TLK1: variants seen among roughly 807,000 people sequenced by gnomAD.
The protein encoded by TLK1 is serine/threonine-protein kinase tousled-like 1.
In TLK1, 24 loss-of-function variants were observed where a neutral mutation model predicts 105.3. That is an observed-to-expected ratio of 0.23 (90% CI 0.17 to 0.32). The LOEUF is 0.32. Among genes scored for constraint, TLK1 ranks in the 10% least tolerant of loss-of-function variants. TLK1 has a pLI of 1.00. For missense variants in TLK1, 558 were observed against 910.5 expected (o/e 0.61, Z 4.98); for synonymous variants, 321 against 310.4 (o/e 1.03, Z -0.36).
chr2:171,177,396 G>C (rs1410126255), intron 1 of TLK1, among the ~76,000 whole-genome samples: 3 of 152,134 alleles, frequency 2.0e-5, no homozygotes, highest in African/African-American at 7.2e-5. Flanking sequence ...ACCTGCGTCA[G>C]CCTCCCAAAG....
At chr2:171,180,080 G>A (rs1403954901) in intron 1 of TLK1, among the ~76,000 whole-genome samples, 3 of 143,210 alleles carry the variant, frequency 2.1e-5, no homozygotes, top group African/African-American at 8.0e-5. Context: ...GGGTGATAGA[G>A]TGAGACTCTG....
intron 1 of TLK1, among the ~76,000 whole-genome samples, chr2:171,209,235 A>G (rs1164905275): frequency 6.6e-6 from 1 of 152,260 alleles, no homozygotes; most frequent in East Asian, 1.9e-4. Context: ...AGAATACACA[A>G]GAAACTAATA....
chr2:171,021,828 G>A (rs1008340870), intron 12 of TLK1, among the ~76,000 whole-genome samples: 23 of 151,994 alleles, frequency 1.5e-4, no homozygotes, highest in Admixed American at 8.5e-4. Flanking sequence ...GATCAGGCAC[G>A]GTGGCTCACG....
chr2:171,069,871 G>A (rs568708022), intron 3 of TLK1, among the ~76,000 whole-genome samples: 1 of 152,272 alleles, frequency 6.6e-6, no homozygotes, highest in South Asian at 2.1e-4. Flanking sequence ...ATAAACAAAA[G>A]CTCTTTAGGG....
At chr2:171,149,094 CTTTTCT>C (rs1308984152) in intron 1 of TLK1, among the ~76,000 whole-genome samples, 7 of 74,284 alleles carry the variant, frequency 9.4e-5, no homozygotes, top group South Asian at 4.1e-4. Flanking sequence ...CTTTGAATTA[CTTTTCT>C]TTTTTTTTTT....
intron 2 of TLK1, among the ~76,000 whole-genome samples, chr2:171,104,209 G>C (rs550823844): frequency 6.6e-6 from 1 of 151,412 alleles, no homozygotes; most frequent in African/African-American, 2.4e-5. Flanking sequence ...CTGGGAGGCA[G>C]AGGTTGCAGT....
intron 18 of TLK1, 57 bp downstream of exon 18, chr2:171,006,089 AT>A: frequency 7.0e-7 from 1 of 1,430,516 alleles, no homozygotes; most frequent in Admixed American, 2.5e-5. Flanking sequence ...ACACTAAATT[AT>A]TATAAAAGCA....
At chr2:171,145,942 G>T (rs1691775448) in intron 1 of TLK1, among the ~76,000 whole-genome samples, 1 of 151,904 alleles carries the variant, frequency 6.6e-6, no homozygotes, top group African/African-American at 2.4e-5. Context: ...GAGAGTGTTT[G>T]AAGTGCTGGC....
intron 1 of TLK1, among the ~76,000 whole-genome samples, chr2:171,193,700 A>ATTTTT (rs35175399): frequency 2.8e-4 from 18 of 64,632 alleles, no homozygotes; most frequent in African/African-American, 1.1e-3. Flanking sequence ...AGCGCCTGGC[A>ATTTTT]TTTTTTTTTT....
chr2:171,106,631 C>T (rs1034878636), intron 2 of TLK1, among the ~76,000 whole-genome samples: 1 of 152,168 alleles, frequency 6.6e-6, no homozygotes, highest in Non-Finnish European at 1.5e-5. Flanking sequence ...TTCTACCCGA[C>T]CCTCTCTGCT....
At position 170,993,187 on chromosome 2, in the gene TLK1, A is replaced by T. The variant is rs1314315239; in HGVS notation, c.*593T>A. 1 of 152,622 alleles carries T rather than the reference A, an allele frequency of 6.6e-6. No homozygotes were observed. Among genetic ancestry groups the T allele is most frequent in the Non-Finnish European group, 1.5e-5 (1 of 68,036 alleles). The allele number at this position is 152,622 out of a possible 1,614,324, so 9.5% of individuals were successfully genotyped here. A position where few individuals can be genotyped will look rare whatever the true frequency, so the allele number is the denominator to read the frequency against. ...TGTGATCTCGAGGTACAACTTGGTA[A>T]AAGTCTGAATAGGCAAATGACAAAG... On this transcript the variant is annotated 3_prime_UTR_variant, in exon 21 of 21. Transcript: ENST00000431350.
At chr2:171,222,575 A>AC (rs1693828068) in intron 1 of TLK1, among the ~76,000 whole-genome samples, 1 of 151,556 alleles carries the variant, frequency 6.6e-6, no homozygotes, top group Admixed American at 6.6e-5. Flanking sequence ...CAAGTGATCC[A>AC]CCCCCCTCTG....
chr2:171,069,978 C>T (rs1195265428), intron 3 of TLK1, among the ~76,000 whole-genome samples: 3 of 152,134 alleles, frequency 2.0e-5, no homozygotes, highest in African/African-American at 7.2e-5. Context: ...CTAGGAAATG[C>T]TAGCAAGTGA....
At chr2:171,015,411 TACAAAC>T (rs1484587963) in intron 12 of TLK1, among the ~76,000 whole-genome samples, 14 of 110,650 alleles carry the variant, frequency 1.3e-4, no homozygotes, top group African/African-American at 5.0e-4. Flanking sequence ...GCATTTGGAG[TACAAAC>T]ACACACACAC....
At position 170,993,697 on chromosome 2, in the gene TLK1, GAAAAC is replaced by G. The variant is rs1683904184; in HGVS notation, c.*78_*82del. 1.8e-5 allele frequency: 12 copies of G among 654,792 alleles called. No individual in the cohort carries two copies. The highest frequency in any genetic ancestry group is 2.4e-5 in the Non-Finnish European group (11 of 459,380). The allele number at this position is 654,792 out of a possible 1,614,324, so 40.6% of individuals were successfully genotyped here. On this transcript the variant is annotated 3_prime_UTR_variant, in exon 21 of 21. Coordinates refer to ENST00000431350, the MANE Select transcript of TLK1 (RefSeq NM_012290.5). ...AAAAAAAAAAAAAAAAAAAGAAAAAGAAAACAAACACTCAAATGCTCTCAAACTTA... is the reference window on the plus strand; with the variant it reads ...AAAAAAAAAAAAAAAAAAAGAAAAAGAAACACTCAAATGCTCTCAAACTTA...
At chr2:171,134,623 T>G (rs1691230634) in intron 1 of TLK1, among the ~76,000 whole-genome samples, 2 of 150,096 alleles carry the variant, frequency 1.3e-5, no homozygotes, top group Non-Finnish European at 1.5e-5. Context: ...ACTGCAGCAC[T>G]ATTCACAATA....
At chr2:171,104,074 G>C (rs949463972) in intron 2 of TLK1, among the ~76,000 whole-genome samples, 1 of 152,154 alleles carries the variant, frequency 6.6e-6, no homozygotes, top group African/African-American at 2.4e-5. Flanking sequence ...CCAGGAGTTT[G>C]AGACCAGCCT....
intron 1 of TLK1, among the ~76,000 whole-genome samples, chr2:171,136,512 T>TGC (rs1260111184): frequency 2.6e-5 from 4 of 152,122 alleles, no homozygotes; most frequent in Non-Finnish European, 5.9e-5. Flanking sequence ...GTTGCACCAC[T>TGC]GCACTCCAGC....
intron 2 of TLK1, among the ~76,000 whole-genome samples, chr2:171,106,236 C>G (rs1341592984): frequency 6.6e-6 from 1 of 152,148 alleles, no homozygotes; most frequent in Non-Finnish European, 1.5e-5. Flanking sequence ...TATAGAAGTA[C>G]AGCTGCATAG....
Sources: gnomAD v4.1 joint callset for allele counts (sites outside exome capture counted in the v4.1 genomes callset) on GRCh38, gnomAD v4.1.1 for gene constraint, MANE v1.5 for transcripts, NCBI Gene and HGNC (gene_info 2026-07-23, HGNC 2026-07-21) for gene names.